The following HMBOX1 variants were observed in gnomAD, a reference collection of about 807,000 sequenced individuals.
HMBOX1 encodes homeobox-containing protein 1.
HMBOX1 carries 14 observed loss-of-function variants against 54.5 expected under a neutral mutation model. The observed-to-expected ratio is 0.26, with a 90% confidence interval of 0.17 to 0.40. HMBOX1 has a LOEUF of 0.40. Ranked by LOEUF, HMBOX1 falls within the 10% of genes least tolerant of loss-of-function variation. The probability of loss-of-function intolerance (pLI) is 1.00; values close to 1 mark genes in which losing one functional copy is unlikely to be tolerated. For synonymous variants in HMBOX1, 160 were observed against 181.0 expected (o/e 0.88, Z 0.93); for missense variants, 332 against 514.4 (o/e 0.65, Z 3.43).
At chr8:28,964,262 A>G (rs968315713) in intron 2 of HMBOX1, among the ~76,000 whole-genome samples, 7 of 152,170 alleles carry the variant, frequency 4.6e-5, no homozygotes, top group Admixed American at 2.0e-4. Flanking sequence ...CAAGCAGACT[A>G]CTGGAAGCAT....
intron 1 of HMBOX1, among the ~76,000 whole-genome samples, chr8:28,908,355 A>G (rs1315755636): frequency 2.6e-5 from 4 of 152,248 alleles, no homozygotes; most frequent in Admixed American, 6.5e-5. Context: ...TTTTAAGGGA[A>G]AGGGAAGAAT....
chr8:28,930,870 A>G (rs910942004), intron 1 of HMBOX1, among the ~76,000 whole-genome samples: 4 of 152,186 alleles, frequency 2.6e-5, no homozygotes, highest in East Asian at 1.9e-4. Flanking sequence ...TGTGTTAACT[A>G]TATTTGTCTT....
At chr8:28,914,816 AT>A (rs1371577405) in intron 1 of HMBOX1, among the ~76,000 whole-genome samples, 1 of 152,244 alleles carries the variant, frequency 6.6e-6, no homozygotes, top group Non-Finnish European at 1.5e-5. Flanking sequence ...TGTAATACCT[AT>A]AATGGAAATG....
chr8:28,919,490 T>G (rs967965616), intron 1 of HMBOX1, among the ~76,000 whole-genome samples: 1 of 152,228 alleles, frequency 6.6e-6, no homozygotes, highest in African/African-American at 2.4e-5. Flanking sequence ...TGGTCTATAC[T>G]TAATCTCAGT....
chr8:28,948,536 G>A (rs1323288178), intron 1 of HMBOX1, among the ~76,000 whole-genome samples: 2 of 152,154 alleles, frequency 1.3e-5, no homozygotes, highest in African/African-American at 4.8e-5. Context: ...CAGCTATGGA[G>A]GGCTTCTGTT....
At chr8:28,973,917 C>T (rs185344368) in intron 3 of HMBOX1, among the ~76,000 whole-genome samples, 4 of 144,312 alleles carry the variant, frequency 2.8e-5, no homozygotes, top group Non-Finnish European at 6.0e-5. Context: ...CGGGTTAAAG[C>T]GATTCTCATG....
intron 4 of HMBOX1, among the ~76,000 whole-genome samples, chr8:28,995,119 TAC>T (rs1831594720): frequency 6.6e-6 from 1 of 152,140 alleles, no homozygotes; most frequent in Non-Finnish European, 1.5e-5. Flanking sequence ...CTTGTATAGA[TAC>T]AGTCTAACAT....
intron 4 of HMBOX1, among the ~76,000 whole-genome samples, chr8:29,007,797 G>T (rs1482147394): frequency 6.6e-6 from 1 of 152,124 alleles, no homozygotes; most frequent in Admixed American, 6.5e-5. Flanking sequence ...GACAGAGTGA[G>T]AACCTTTCTC....
intron 5 of HMBOX1, 114 bp from the exon 6 acceptor site, chr8:29,018,646 G>A: frequency 9.7e-7 from 1 of 1,030,560 alleles, no homozygotes; most frequent in Non-Finnish European, 1.4e-6. Context: ...AAGATACATT[G>A]ATTAAGTTGT....
intron 4 of HMBOX1, among the ~76,000 whole-genome samples, chr8:29,006,273 G>A (rs977813169): frequency 6.6e-6 from 1 of 152,078 alleles, no homozygotes; most frequent in Non-Finnish European, 1.5e-5. Flanking sequence ...GATTACAGGT[G>A]TGAGCCACTG....
intron 3 of HMBOX1, among the ~76,000 whole-genome samples, chr8:28,973,822 T>G (rs1050591289): frequency 7.5e-6 from 1 of 133,584 alleles, no homozygotes; most frequent in Admixed American, 7.5e-5. Context: ...TTTTTTTTTT[T>G]TTTTTTTTTT....
At chr8:28,953,556 G>T (rs1823887806) in intron 1 of HMBOX1, among the ~76,000 whole-genome samples, 1 of 151,302 alleles carries the variant, frequency 6.6e-6, no homozygotes, top group African/African-American at 2.4e-5. Flanking sequence ...CTTCTCTTCT[G>T]GTAGCTATCA....
At position 28,963,877 on chromosome 8, in the gene HMBOX1, TC is replaced by T; in HGVS notation, c.12del (p.Pro6GlnfsTer19). On this transcript the variant is annotated frameshift_variant, in exon 2 of 10. Transcript: ENST00000287701. LOFTEE classifies it high-confidence loss of function. MLSSFPVVLLETMS... is the reference protein window; with the variant it reads MLSXFPVVLLETMS... The stretch of plus-strand genomic sequence containing the variant: ...CCGCCTCATGTAAAGTATGCTTAGT[TC>T]CTTTCCAGTGGTGTAAGTATCAAGT... The T allele has an allele frequency of 6.2e-7, 1 of 1,602,686 alleles. No individual in the cohort carries two copies. The highest frequency in any genetic ancestry group is 8.5e-7 in the Non-Finnish European group (1 of 1,173,398).
At chr8:28,945,076 C>G (rs1414712877) in intron 1 of HMBOX1, among the ~76,000 whole-genome samples, 1 of 152,162 alleles carries the variant, frequency 6.6e-6, no homozygotes, top group Non-Finnish European at 1.5e-5. Context: ...ATTTTTGTTA[C>G]AAATACTATT....
Position 28,970,223 on chromosome 8 carries a change from A to C in HMBOX1, c.204A>C (p.Gly68=), listed in dbSNP as rs1563493016. 1 of 1,614,210 alleles carries C rather than the reference A, an allele frequency of 6.2e-7. No homozygotes were observed. The highest frequency in any genetic ancestry group is 8.5e-7 in the Non-Finnish European group (1 of 1,180,028). Reference sequence around the variant, plus strand: ...AGTTTGGAAGAAGGTCCAGCTATGGAGGAAGTTCATATGGGAATAGTACTA... The same window carrying C: ...AGTTTGGAAGAAGGTCCAGCTATGGCGGAAGTTCATATGGGAATAGTACTA... ...SDKFGRRSSY[G]GSSYGNSTNN... is the part of the protein sequence containing the mutation. Residue 68 remains glycine (G), a synonymous_variant, in exon 3 of 10, where the codon GGA becomes GGC. Coordinates refer to ENST00000287701, the MANE Select transcript of HMBOX1 (RefSeq NM_001135726.3). This position sits in a 1 kb window ranked among gnomAD's most constrained non-coding sequence, Gnocchi z 4.3.
intron 1 of HMBOX1, among the ~76,000 whole-genome samples, chr8:28,920,001 G>T (rs1022395824): frequency 5.0e-5 from 7 of 140,712 alleles, no homozygotes; most frequent in African/African-American, 1.0e-4. Context: ...GTGTGTGTGT[G>T]TTTTTCAATA....
intron 2 of HMBOX1, among the ~76,000 whole-genome samples, chr8:28,968,114 G>A (rs1370634805): frequency 2.0e-5 from 3 of 152,134 alleles, no homozygotes; most frequent in African/African-American, 7.2e-5. Flanking sequence ...TATGATAAAG[G>A]CAGCATTTCA....
At chr8:29,022,978 C>T (rs960247754) in intron 6 of HMBOX1, among the ~76,000 whole-genome samples, 8 of 151,928 alleles carry the variant, frequency 5.3e-5, no homozygotes, top group African/African-American at 1.5e-4. Flanking sequence ...GTGTTTATAA[C>T]ACAGTAATTT....
intron 7 of HMBOX1, 69 bp from the exon 8 acceptor site, chr8:29,047,289 G>A: frequency 1.1e-6 from 1 of 872,118 alleles, no homozygotes; most frequent in Admixed American, 2.0e-5. Flanking sequence ...AAAAATATTA[G>A]CCCTTAAAAC....
Sources: allele counts gnomAD v4.1 joint callset (sites outside exome capture counted in the v4.1 genomes callset), GRCh38; gene constraint gnomAD v4.1.1; non-coding constraint Gnocchi (gnomAD v3.1); transcripts MANE v1.5; gene names NCBI Gene and HGNC (gene_info 2026-07-23, HGNC 2026-07-21).